NKX2-6: variants seen among roughly 807,000 people sequenced by gnomAD.
NKX2-6 encodes the protein homeobox protein Nkx-2.6.
NKX2-6 carries 8 observed loss-of-function variants against 8.6 expected under a neutral mutation model. The observed-to-expected ratio is 0.93, with a 90% CI of 0.54 to 1.67. NKX2-6 has a LOEUF of 1.67. NKX2-6 is among the 40% of genes most tolerant of loss of function. The pLI, the probability that NKX2-6 is intolerant of heterozygous loss-of-function variation, is 0.00. For missense variants in NKX2-6, 475 were observed against 423.1 expected (o/e 1.12, Z -1.08); for synonymous variants, 210 against 199.3 (o/e 1.05, Z -0.45).
At chr8:23,703,515 T>C (rs968638722) in intron 1 of NKX2-6, among the ~76,000 whole-genome samples, 2 of 151,866 alleles carry the variant, frequency 1.3e-5, no homozygotes, top group Admixed American at 6.6e-5. Context: ...GCTAACACGA[T>C]GAAACCCCGT....
Position 23,701,839 on chromosome 8 carries a change from G to A in NKX2-6, c.*612C>T, listed in dbSNP as rs1477184517. ...TGTAGAGCCTACTTCCAGGAGAGCA[G>A]TCGTGGCCAGAAAAGAGTGCTCCTC... is the stretch of plus-strand genomic sequence containing the variant. On this transcript the variant is annotated 3_prime_UTR_variant, in exon 2 of 2. Coordinates refer to ENST00000325017, the MANE Select transcript of NKX2-6 (RefSeq NM_001136271.3). 6.6e-6 allele frequency among the ~76,000 whole-genome samples: 1 copy of A among 152,162 alleles called. No homozygotes were observed. Among genetic ancestry groups the A allele is most frequent in the African/African-American group, 2.4e-5 (1 of 41,432 alleles).
rs1164139515 is a variant in NKX2-6 at position 23,702,229 on chromosome 8, G to A, written c.*222C>T. Among the ~76,000 whole-genome samples the A allele has an allele frequency of 6.6e-6, 1 of 152,220 alleles. No homozygotes were observed. The highest frequency in any genetic ancestry group is 1.5e-5 in the Non-Finnish European group (1 of 68,044). On this transcript the variant is annotated 3_prime_UTR_variant, in exon 2 of 2. Coordinates refer to ENST00000325017, the MANE Select transcript of NKX2-6 (RefSeq NM_001136271.3). ...CTTCAGTCCCTGTGTTGCTTGGTGG[G>A]TGACCGGTGGAGGGGTCTTCTTTTG...
In NKX2-6 at chr8:23,706,240, A is replaced by C. The variant is rs186524785; in HGVS notation, c.274+85T>G. 5,433 of 1,317,480 alleles carry C rather than the reference A, an allele frequency of 4.1e-3. 19 individuals carry two copies. Among genetic ancestry groups the C allele is most frequent in the Non-Finnish European group, 5.2e-3 (5,065 of 974,202 alleles). The allele number at this position is 1,317,480 out of a possible 1,614,324, so 81.6% of individuals were successfully genotyped here. ...GAGAGTCTCGAACCCAGGAGATAGG[A>C]GGCGTATTTTCCCCATGCACCCATG... is the stretch of plus-strand genomic sequence containing the variant. On this transcript the variant is annotated intron_variant, in intron 1 of 1. Coordinates refer to ENST00000325017, the MANE Select transcript of NKX2-6 (RefSeq NM_001136271.3).
intron 1 of NKX2-6, among the ~76,000 whole-genome samples, chr8:23,705,984 GAC>G (rs1214110450): frequency 1.3e-5 from 2 of 152,224 alleles, no homozygotes; most frequent in African/African-American, 4.8e-5. Flanking sequence ...GCACGGCTAA[GAC>G]ACTGCGGAGG....
In NKX2-6 at chr8:23,702,363, C is replaced by A; in HGVS notation, c.*88G>T. ...CCGTTGGGTAGCAGCTTCCTTCCAG[C>A]GCCGCGTCCCCTCCTTGTCACGACC... On this transcript the variant is annotated 3_prime_UTR_variant, in exon 2 of 2. Coordinates refer to ENST00000325017, the MANE Select transcript of NKX2-6 (RefSeq NM_001136271.3). 2 of 1,350,634 alleles carry A rather than the reference C, an allele frequency of 1.5e-6. No homozygotes were observed. The highest frequency in any genetic ancestry group is 1.9e-6 in the Non-Finnish European group (2 of 1,028,452). 83.7% of individuals were successfully genotyped at this position (1,350,634 alleles called of 1,614,324 possible). A position where few individuals can be genotyped will look rare whatever the true frequency, so the allele number is the denominator to read the frequency against.
At chr8:23,704,160 A>T (rs1159615309) in intron 1 of NKX2-6, among the ~76,000 whole-genome samples, 1 of 152,238 alleles carries the variant, frequency 6.6e-6, no homozygotes, top group Non-Finnish European at 1.5e-5. Flanking sequence ...TGTAATCCAA[A>T]TTAACAATAT....
intron 1 of NKX2-6, 52 bp from the exon 2 acceptor site, chr8:23,703,134 C>A: frequency 6.6e-7 from 1 of 1,509,488 alleles, no homozygotes; most frequent in East Asian, 2.5e-5. Flanking sequence ...CTCACCTGAG[C>A]GGTTCCTACT....
Position 23,702,500 on chromosome 8 carries a change from G to A in NKX2-6, c.857C>T (p.Thr286Ile). 1 of 1,523,256 alleles carries A rather than the reference G, an allele frequency of 6.6e-7. No homozygotes were observed. The highest frequency in any genetic ancestry group is 8.8e-7 in the Non-Finnish European group (1 of 1,134,914). 94.4% of individuals were successfully genotyped at this position (1,523,256 alleles called of 1,614,324 possible). Residue 286 changes from threonine (T) to isoleucine (I), a missense_variant, in exon 2 of 2, where the codon ACC (threonine) becomes ATC (isoleucine). Transcript: ENST00000325017. The part of the protein sequence containing the change: ...AGFGHGGQNA[T>I]PQGHLAATLQ... ...CGTGGCTGCCAGATGGCCCTGCGGGGTGGCATTCTGGCCACCGTGTCCGAA... is the reference window on the plus strand; with the variant it reads ...CGTGGCTGCCAGATGGCCCTGCGGGATGGCATTCTGGCCACCGTGTCCGAA...
At chr8:23,706,245 T>G in intron 1 of NKX2-6, 80 bp downstream of exon 1, 1 of 1,373,624 alleles carries the variant, frequency 7.3e-7, no homozygotes. Context: ...ATAGGAGGCG[T>G]ATTTTCCCCA....
intron 1 of NKX2-6, 134 bp from the exon 2 acceptor site, chr8:23,703,216 G>A (rs992050837): frequency 3.8e-6 from 4 of 1,064,096 alleles, no homozygotes; most frequent in Admixed American, 3.0e-5. Context: ...TACTGCCCCC[G>A]AACCCTGTCC....
intron 1 of NKX2-6, among the ~76,000 whole-genome samples, chr8:23,703,305 CATAAATT>C (rs1171902265): frequency 6.6e-6 from 1 of 152,218 alleles, no homozygotes; most frequent in Non-Finnish European, 1.5e-5. Context: ...ACTGCTGGAA[CATAAATT>C]GTGACAACCT....
At chr8:23,703,573 G>A (rs187572153) in intron 1 of NKX2-6, among the ~76,000 whole-genome samples, 52 of 152,322 alleles carry the variant, frequency 3.4e-4, no homozygotes, top group African/African-American at 1.2e-3. Flanking sequence ...GCATGTGCCT[G>A]TAGTCCCAGC....
rs1801016943 is a variant in NKX2-6 at position 23,702,341 on chromosome 8, T to TTGGG, written c.*106_*109dup. ...GAGATCCCTCCGGAAAGAAGCGCCG[T>TTGGG]TGGGTAGCAGCTTCCTTCCAGCGCC... On this transcript the variant is annotated 3_prime_UTR_variant, in exon 2 of 2. Coordinates refer to ENST00000325017, the MANE Select transcript of NKX2-6 (RefSeq NM_001136271.3). 8.3e-7 allele frequency: 1 copy of TTGGG among 1,209,770 alleles called. No homozygotes were observed. Among genetic ancestry groups the TTGGG allele is most frequent in the African/African-American group, 1.5e-5 (1 of 64,926 alleles). The allele number at this position is 1,209,770 out of a possible 1,614,324, so 74.9% of individuals were successfully genotyped here. A position where few individuals can be genotyped will look rare whatever the true frequency, so the allele number is the denominator to read the frequency against.
chr8:23,704,316 G>A (rs1303965806), intron 1 of NKX2-6, among the ~76,000 whole-genome samples: 5 of 152,156 alleles, frequency 3.3e-5, no homozygotes, highest in African/African-American at 7.2e-5. Context: ...CAAGCAGGTG[G>A]TGTGGGCTTC....
Position 23,703,011 on chromosome 8 carries a change from C to A in NKX2-6, c.346G>T (p.Gly116Cys). 1.3e-6 allele frequency: 2 copies of A among 1,541,200 alleles called. No individual in the cohort carries two copies. Among genetic ancestry groups the A allele is most frequent in the Non-Finnish European group, 1.7e-6 (2 of 1,145,702 alleles). The change falls in exon 2 of 2, where the codon GGC (glycine) becomes TGC (cysteine). Residue 116 changes from glycine (G) to cysteine (C), a missense_variant. Physicochemically the swap from Gly to Cys is radical, Grantham distance 159. Transcript: ENST00000325017. ...GAGCGGCCACCCCGCACGCTGTCGC[C>A]GCTGTTGCCAACGCCGCGCTCTGGC... ...RVPERGVGNS[G>C]DSVRGGRSEQ...
chr8:23,704,810 A>C (rs1219867985), intron 1 of NKX2-6, among the ~76,000 whole-genome samples: 1 of 152,180 alleles, frequency 6.6e-6, no homozygotes, highest in African/African-American at 2.4e-5. Context: ...CCCATTTCAA[A>C]GTCACAGATC....
At chr8:23,704,858 C>A (rs1262832114) in intron 1 of NKX2-6, among the ~76,000 whole-genome samples, 1 of 152,150 alleles carries the variant, frequency 6.6e-6, no homozygotes, top group African/African-American at 2.4e-5. Flanking sequence ...GCAGGGTGGG[C>A]CAGCACCCTG....
At chr8:23,706,178 G>A (rs1292024796) in intron 1 of NKX2-6, 147 bp downstream of exon 1, 3 of 788,442 alleles carry the variant, frequency 3.8e-6, no homozygotes, top group Non-Finnish European at 5.9e-6. Flanking sequence ...AATGGGATTC[G>A]AGAGGCCTTT....
chr8:23,702,117 C>A lies in NKX2-6; in HGVS notation c.*334G>T, dbSNP rs577396791. ...GGGCTGCTGCGTACAGATGCAAGAG[C>A]CTCTCGGGCCTCTGGGGTTGAAGCC... is the stretch of plus-strand genomic sequence containing the variant. On this transcript the variant is annotated 3_prime_UTR_variant, in exon 2 of 2. Transcript: ENST00000325017. 2.0e-5 allele frequency among the ~76,000 whole-genome samples: 3 copies of A among 152,200 alleles called. No homozygotes were observed. The highest frequency in any genetic ancestry group is 6.5e-5 in the Admixed American group (1 of 15,284).
Sources: gnomAD v4.1 joint callset for allele counts (sites outside exome capture counted in the v4.1 genomes callset) on GRCh38, gnomAD v4.1.1 for gene constraint, MANE v1.5 for transcripts, NCBI Gene and HGNC (gene_info 2026-07-23, HGNC 2026-07-21) for gene names.